Variants in RNF180 observed in about 807,000 individuals in gnomAD.
RNF180 encodes the protein ring finger protein 180.
RNF180 carries 38 observed loss-of-function variants against 59.2 expected under a neutral mutation model. The ratio of observed to expected loss-of-function variants is 0.64; its 90% CI spans 0.50 to 0.84. RNF180 has a LOEUF of 0.84. Among genes scored for constraint, RNF180 ranks in the 40% least tolerant of loss-of-function variants. The probability of loss-of-function intolerance (pLI) is 0.00; values close to 1 mark genes in which losing one functional copy is unlikely to be tolerated. For synonymous variants in RNF180, 262 were observed against 240.3 expected, an observed-to-expected ratio of 1.09 and a Z score of -0.84; for missense variants, 705 against 700.9, an observed-to-expected ratio of 1.01 and a Z score of -0.07.
intron 7 of RNF180, among the ~76,000 whole-genome samples, chr5:64,333,885 C>G (rs1745017313): frequency 6.6e-6 from 1 of 152,160 alleles, no homozygotes; most frequent in Admixed American, 6.5e-5. Context: ...TGGGAAAGAG[C>G]TGAGTTATCA....
intron 5 of RNF180, among the ~76,000 whole-genome samples, chr5:64,268,591 A>C (rs1175852203): frequency 6.6e-6 from 1 of 152,172 alleles, no homozygotes; most frequent in Non-Finnish European, 1.5e-5. Flanking sequence ...AATACCCCTT[A>C]TACATGGAGG....
chr5:64,204,637 A>G (rs1751925581), intron 2 of RNF180, among the ~76,000 whole-genome samples: 1 of 151,792 alleles, frequency 6.6e-6, no homozygotes, highest in African/African-American at 2.4e-5. Flanking sequence ...CTTATATTTC[A>G]TTCTTGTGGT....
chr5:64,346,644 A>G (rs1745572703), intron 7 of RNF180, among the ~76,000 whole-genome samples: 1 of 152,052 alleles, frequency 6.6e-6, no homozygotes, highest in Non-Finnish European at 1.5e-5. Context: ...TGCTGGGATT[A>G]CAAGCATGAG....
chr5:64,365,733 C>T (rs1414305781), intron 7 of RNF180, among the ~76,000 whole-genome samples: 1 of 151,378 alleles, frequency 6.6e-6, no homozygotes, highest in Non-Finnish European at 1.5e-5. Flanking sequence ...TTATGTAATG[C>T]CCCTCTTTGT....
At chr5:64,368,242 T>C (rs926598390) in intron 7 of RNF180, among the ~76,000 whole-genome samples, 19 of 151,734 alleles carry the variant, frequency 1.3e-4, no homozygotes, top group Non-Finnish European at 2.7e-4. Context: ...AAGATATTCT[T>C]CTTAGAACTT....
intron 7 of RNF180, among the ~76,000 whole-genome samples, chr5:64,338,486 T>C (rs576141696): frequency 6.6e-6 from 1 of 151,894 alleles, no homozygotes; most frequent in African/African-American, 2.4e-5. Flanking sequence ...TACAAAAAAA[T>C]TAGCCTGGCG....
At chr5:64,353,263 C>A (rs1344634037) in intron 7 of RNF180, among the ~76,000 whole-genome samples, 1 of 151,480 alleles carries the variant, frequency 6.6e-6, no homozygotes, top group East Asian at 1.9e-4. Context: ...TTGCTTCATT[C>A]ATGTGGAAAA....
chr5:64,294,388 A>T (rs943756017), intron 5 of RNF180, among the ~76,000 whole-genome samples: 1 of 152,200 alleles, frequency 6.6e-6, no homozygotes, highest in Admixed American at 6.5e-5. Flanking sequence ...CAAAAGTTAA[A>T]AATAAAATTC....
intron 5 of RNF180, among the ~76,000 whole-genome samples, chr5:64,282,069 T>G (rs893770978): frequency 2.6e-5 from 4 of 152,006 alleles, no homozygotes; most frequent in Non-Finnish European, 5.9e-5. Context: ...ACTTCTCTTT[T>G]TTGTTGTTGT....
chr5:64,221,922 A>G (rs1282542395), intron 5 of RNF180, among the ~76,000 whole-genome samples: 5 of 152,228 alleles, frequency 3.3e-5, no homozygotes, highest in African/African-American at 1.2e-4. Flanking sequence ...TTTATGAACC[A>G]ATATCAATAC....
At chr5:64,198,780 T>C (rs909060959) in intron 1 of RNF180, among the ~76,000 whole-genome samples, 1 of 151,860 alleles carries the variant, frequency 6.6e-6, no homozygotes, top group African/African-American at 2.4e-5. Flanking sequence ...GCTTCAACAA[T>C]GAAGAAAGGG....
At position 64,352,882 on chromosome 5, in the gene RNF180, T is replaced by C. The variant is rs1002591600; in HGVS notation, c.1580-16733T>C. 4.6e-5 allele frequency among the ~76,000 whole-genome samples: 7 copies of C among 152,048 alleles called. No individual in the cohort carries two copies. The South Asian group carries it at 1.2e-3, about 27-fold the overall frequency. On this transcript the variant is annotated intron_variant, in intron 7 of 7. Transcript: ENST00000389100. ...TGAAGACTCAGCTCCATCACATATG[T>C]AACCCATGGCAAATGAATTAAACTC...
intron 5 of RNF180, among the ~76,000 whole-genome samples, chr5:64,309,663 A>T (rs1743657890): frequency 6.6e-6 from 1 of 151,496 alleles, no homozygotes; most frequent in Middle Eastern, 3.2e-3. Flanking sequence ...TCTTTAATAT[A>T]TTGAAGTGAT....
intron 5 of RNF180, among the ~76,000 whole-genome samples, chr5:64,221,387 G>C (rs936278947): frequency 4.6e-5 from 7 of 152,012 alleles, no homozygotes; most frequent in African/African-American, 1.7e-4. Context: ...GATTAAAAGA[G>C]CATCATGACC....
intron 5 of RNF180, among the ~76,000 whole-genome samples, chr5:64,264,213 G>A (rs1744523599): frequency 6.6e-6 from 1 of 152,028 alleles, no homozygotes; most frequent in Non-Finnish European, 1.5e-5. Flanking sequence ...TAGGTCATAA[G>A]AAACATCTTT....
intron 5 of RNF180, among the ~76,000 whole-genome samples, chr5:64,303,971 G>T (rs1188590515): frequency 2.0e-5 from 3 of 151,636 alleles, no homozygotes; most frequent in Non-Finnish European, 4.4e-5. Context: ...GCAGAAGCCA[G>T]TGTTCAATTT....
chr5:64,293,668 G>A (rs77122548), intron 5 of RNF180, among the ~76,000 whole-genome samples: 9,336 of 151,432 alleles, frequency 0.062, 367 homozygotes, highest in Middle Eastern at 0.17. Context: ...TAAAATATTC[G>A]CAATGTATTA....
chr5:64,340,567 G>A (rs1745316978), intron 7 of RNF180, among the ~76,000 whole-genome samples: 1 of 152,220 alleles, frequency 6.6e-6, no homozygotes, highest in Non-Finnish European at 1.5e-5. Context: ...CACCTTCTCA[G>A]AAAGTTGGAG....
intron 7 of RNF180, among the ~76,000 whole-genome samples, chr5:64,356,209 C>T (rs192108597): frequency 2.0e-4 from 31 of 151,652 alleles, no homozygotes; most frequent in Non-Finnish European, 4.0e-4. Flanking sequence ...CTGAAGTGAG[C>T]TATTGCTGTG....
Sources: gnomAD v4.1 joint callset for allele counts (sites outside exome capture counted in the v4.1 genomes callset) on GRCh38, gnomAD v4.1.1 for gene constraint, MANE v1.5 for transcripts, NCBI Gene and HGNC (gene_info 2026-07-23, HGNC 2026-07-21) for gene names.